Variants in MAML3 observed in about 807,000 individuals in gnomAD.
MAML3 encodes the protein mastermind like transcriptional coactivator 3.
A neutral mutation model predicts 101.9 loss-of-function variants in MAML3; 27 were observed. The observed-to-expected ratio is 0.27, with a 90% confidence interval of 0.20 to 0.37. The LOEUF is 0.37. Ranked by LOEUF, MAML3 falls within the 10% of genes least tolerant of loss-of-function variation. MAML3 has a pLI of 1.00. For synonymous variants in MAML3, 501 were observed against 555.9 expected (o/e 0.90, Z 1.39); for missense variants, 1,316 against 1,444.9 (o/e 0.91, Z 1.45).
chr4:139,797,039 G>T (rs1730522673), intron 2 of MAML3, among the ~76,000 whole-genome samples: 1 of 152,162 alleles, frequency 6.6e-6, no homozygotes, highest in African/African-American at 2.4e-5. Flanking sequence ...TAAAAGTGAT[G>T]ATGTCAACAT....
At chr4:139,942,152 A>C (rs1578609298) in intron 1 of MAML3, among the ~76,000 whole-genome samples, 1 of 149,308 alleles carries the variant, frequency 6.7e-6, no homozygotes, top group Non-Finnish European at 1.5e-5. Context: ...GAAAGAAGGA[A>C]GGACGGAGGG....
intron 1 of MAML3, among the ~76,000 whole-genome samples, chr4:140,070,284 T>A (rs1442762331): frequency 1.3e-5 from 2 of 152,174 alleles, no homozygotes; most frequent in Non-Finnish European, 2.9e-5. Context: ...GTAGCATACA[T>A]TCATGTTAAA....
intron 2 of MAML3, among the ~76,000 whole-genome samples, chr4:139,750,066 C>T (rs1035140281): frequency 2.6e-5 from 4 of 152,074 alleles, no homozygotes; most frequent in Admixed American, 6.5e-5. Context: ...CAAACACAGC[C>T]GTGAAACACA....
chr4:139,862,420 A>G (rs1317492659), intron 2 of MAML3, among the ~76,000 whole-genome samples: 1 of 151,846 alleles, frequency 6.6e-6, no homozygotes, highest in East Asian at 1.9e-4. Flanking sequence ...TGCCTCCCCA[A>G]CTCCAAACTG....
At chr4:139,744,668 C>A (rs1279057276) in intron 2 of MAML3, among the ~76,000 whole-genome samples, 1 of 152,200 alleles carries the variant, frequency 6.6e-6, no homozygotes, top group African/African-American at 2.4e-5. Flanking sequence ...ATGGCAGGGG[C>A]TATGGTGGGA....
intron 1 of MAML3, among the ~76,000 whole-genome samples, chr4:139,972,225 C>G (rs1734245555): frequency 6.6e-6 from 1 of 152,126 alleles, no homozygotes; most frequent in Non-Finnish European, 1.5e-5. Context: ...CTTCCCCCAC[C>G]ACTCTCCACA....
chr4:139,972,206 C>T (rs190002821), intron 1 of MAML3, among the ~76,000 whole-genome samples: 1 of 152,180 alleles, frequency 6.6e-6, no homozygotes, highest in Admixed American at 6.5e-5. Flanking sequence ...TTTCCTGATC[C>T]TCTCCCTCCT....
intron 1 of MAML3, among the ~76,000 whole-genome samples, chr4:140,086,801 AAG>A (rs1326505542): frequency 6.6e-6 from 1 of 152,222 alleles, no homozygotes; most frequent in Non-Finnish European, 1.5e-5. Flanking sequence ...AGAGAAAAAA[AAG>A]AGAGATTTTA....
At chr4:139,861,819 C>T (rs537685834) in intron 2 of MAML3, among the ~76,000 whole-genome samples, 107 of 152,228 alleles carry the variant, frequency 7.0e-4, no homozygotes, top group African/African-American at 2.4e-3. Flanking sequence ...CTATAAGCCC[C>T]TGTTGATTAC....
intron 1 of MAML3, among the ~76,000 whole-genome samples, chr4:140,025,169 T>G (rs1726799896): frequency 6.6e-6 from 1 of 152,208 alleles, no homozygotes; most frequent in Non-Finnish European, 1.5e-5. Context: ...AAGGCTGTTT[T>G]GGGACAATTG....
chr4:139,954,703 T>G (rs975270127), intron 1 of MAML3, among the ~76,000 whole-genome samples: 11 of 152,190 alleles, frequency 7.2e-5, no homozygotes, highest in African/African-American at 2.7e-4. Flanking sequence ...TTTGTTTTTT[T>G]GAGATGGGGT....
At chr4:140,007,424 T>C (rs1033067317) in intron 1 of MAML3, among the ~76,000 whole-genome samples, 1 of 152,116 alleles carries the variant, frequency 6.6e-6, no homozygotes, top group Non-Finnish European at 1.5e-5. Context: ...TAATTCCTAG[T>C]AGCTAAAATA....
chr4:139,750,360 C>T (rs547643578), intron 2 of MAML3, among the ~76,000 whole-genome samples: 4 of 152,276 alleles, frequency 2.6e-5, no homozygotes, highest in South Asian at 2.1e-4. Context: ...GAAAGAGAGG[C>T]CTCCTAGGCG....
At chr4:139,839,034 C>T (rs906846194) in intron 2 of MAML3, among the ~76,000 whole-genome samples, 2 of 152,152 alleles carry the variant, frequency 1.3e-5, no homozygotes, top group African/African-American at 2.4e-5. Flanking sequence ...CAAGCCTTAG[C>T]CAAATCCTCA....
Position 139,890,388 on chromosome 4 carries a change from G to C in MAML3, c.1048C>G (p.Leu350Val), listed in dbSNP as rs781392442. 12 of 1,603,596 alleles carry C rather than the reference G, an allele frequency of 7.5e-6. No individual in the cohort carries two copies. Reference protein sequence around the residue: ...EFSQPATETPLSQESASVKSD... With the variant: ...EFSQPATETPVSQESASVKSD... ...TTCACGCTCGCACTCTCCTGGGAGA[G>C]AGGGGTCTCAGTTGCTGGCTGCGAG... is the stretch of plus-strand genomic sequence containing the variant. Residue 350 changes from leucine (L) to valine (V), a missense_variant, in exon 2 of 5, where the codon CTC (leucine) becomes GTC (valine). By Grantham distance (32) the Leu-to-Val change is conservative (BLOSUM62 1). Coordinates refer to ENST00000509479, the MANE Select transcript of MAML3 (RefSeq NM_018717.5). The surrounding 1 kb of genome is among the most constrained non-coding windows in gnomAD (Gnocchi z 4.1).
chr4:139,962,127 T>TC (rs1027517443), intron 1 of MAML3, among the ~76,000 whole-genome samples: 1 of 151,788 alleles, frequency 6.6e-6, no homozygotes, highest in Admixed American at 6.6e-5. Context: ...TGTTTTTGTT[T>TC]TTTTTTTTTA....
chr4:139,895,897 A>G (rs1443604926), intron 1 of MAML3, among the ~76,000 whole-genome samples: 2 of 152,214 alleles, frequency 1.3e-5, no homozygotes. Flanking sequence ...TCTCCACTGC[A>G]TGCCCCTTTA....
At chr4:140,029,431 C>T (rs1726874473) in intron 1 of MAML3, among the ~76,000 whole-genome samples, 1 of 152,168 alleles carries the variant, frequency 6.6e-6, no homozygotes, top group Non-Finnish European at 1.5e-5. Flanking sequence ...AGTACATCCC[C>T]TCCTTCTTTT....
At chr4:139,958,831 A>G (rs10023434) in intron 1 of MAML3, among the ~76,000 whole-genome samples, 21,599 of 152,184 alleles carry the variant, frequency 0.14, 2,581 homozygotes, top group East Asian at 0.57. Context: ...ATAATACTCT[A>G]TTGTCCTTCA....
Sources: allele counts gnomAD v4.1 joint callset (sites outside exome capture counted in the v4.1 genomes callset), GRCh38; gene constraint gnomAD v4.1.1; non-coding constraint Gnocchi (gnomAD v3.1); transcripts MANE v1.5; gene names NCBI Gene and HGNC (gene_info 2026-07-23, HGNC 2026-07-21).